Variants in MIA2 observed in about 807,000 individuals in gnomAD.
MIA2 encodes MIA SH3 domain ER export factor 2.
A neutral mutation model predicts 167.8 loss-of-function variants in MIA2; 127 were observed. The ratio of observed to expected loss-of-function variants is 0.76; its 90% CI spans 0.66 to 0.88. MIA2 has a LOEUF of 0.88. Ranked by LOEUF, MIA2 falls within the 40% of genes least tolerant of loss-of-function variation. The pLI is 0.00. For missense variants in MIA2, 1,690 were observed against 1,624.7 expected (o/e 1.04, Z -0.69); for synonymous variants, 552 against 541.9 (o/e 1.02, Z -0.26).
chr14:39,244,854 G>A (rs970263385), intron 3 of MIA2, among the ~76,000 whole-genome samples: 16 of 151,540 alleles, frequency 1.1e-4, no homozygotes, highest in Non-Finnish European at 1.8e-4. Flanking sequence ...TATAGTCCAC[G>A]GGAGCCTCAA....
chr14:39,382,643 C>T (rs936525216), intron 23 of MIA2, among the ~76,000 whole-genome samples: 13 of 152,184 alleles, frequency 8.5e-5, no homozygotes, highest in South Asian at 2.1e-4. Context: ...CTGCGCTGTA[C>T]ACAAGATAAG....
At chr14:39,317,468 T>C (rs1042391775) in intron 21 of MIA2, among the ~76,000 whole-genome samples, 3 of 152,120 alleles carry the variant, frequency 2.0e-5, no homozygotes, top group Admixed American at 2.0e-4. Context: ...CCAGGCTGGC[T>C]GAGTTTAGAG....
chr14:39,300,941 T>TATACGC (rs756774764), intron 14 of MIA2, among the ~76,000 whole-genome samples: 1 of 141,120 alleles, frequency 7.1e-6, no homozygotes, highest in Non-Finnish European at 1.5e-5. Context: ...CACACATATA[T>TATACGC]ACATATATAC....
chr14:39,380,011 A>C (rs1012596477), intron 23 of MIA2, among the ~76,000 whole-genome samples: 1 of 152,226 alleles, frequency 6.6e-6, no homozygotes, highest in Non-Finnish European at 1.5e-5. Flanking sequence ...ACAAGTCAAA[A>C]CTAATGAGAA....
chr14:39,267,549 G>T, intron 6 of MIA2: 2 of 1,611,264 alleles, frequency 1.2e-6, no homozygotes, highest in Admixed American at 1.7e-5. Context: ...TGAGTGTTAC[G>T]TGGCCCAGGG....
At chr14:39,349,443 A>G (rs1306758553) in intron 28 of MIA2, among the ~76,000 whole-genome samples, 2 of 152,106 alleles carry the variant, frequency 1.3e-5, no homozygotes, top group Non-Finnish European at 2.9e-5. Flanking sequence ...GAATTTTTGG[A>G]TTTATTGAAT....
intron 3 of MIA2, among the ~76,000 whole-genome samples, chr14:39,243,253 T>C (rs2054138169): frequency 6.6e-6 from 1 of 152,134 alleles, no homozygotes; most frequent in African/African-American, 2.4e-5. Context: ...AATGGCCCTT[T>C]GGAGTTGTCT....
chr14:39,380,139 C>T (rs1212078453), intron 23 of MIA2, among the ~76,000 whole-genome samples: 3 of 152,104 alleles, frequency 2.0e-5, no homozygotes, highest in Admixed American at 2.0e-4. Context: ...AAAACATTTC[C>T]TTCAGACCTT....
chr14:39,246,247 C>A (rs8023093), intron 3 of MIA2, among the ~76,000 whole-genome samples: 1 of 151,990 alleles, frequency 6.6e-6, no homozygotes, highest in Non-Finnish European at 1.5e-5. Flanking sequence ...CAGGCGCCCA[C>A]CACCATGCCT....
At chr14:39,359,393 C>T (rs117945991) in intron 23 of MIA2, among the ~76,000 whole-genome samples, 8 of 152,268 alleles carry the variant, frequency 5.3e-5, no homozygotes, top group East Asian at 3.9e-4. Context: ...TTGATAAGAC[C>T]GTTGGAAAAA....
At chr14:39,266,872 G>C (rs2055786129) in intron 6 of MIA2, 7 of 756,984 alleles carry the variant, frequency 9.2e-6, no homozygotes, top group African/African-American at 1.9e-5. Flanking sequence ...GACGCCTCTA[G>C]GAGAAGTCTC....
chr14:39,324,144 A>G (rs1411160226), intron 24 of MIA2, among the ~76,000 whole-genome samples: 1 of 152,240 alleles, frequency 6.6e-6, no homozygotes, highest in Non-Finnish European at 1.5e-5. Context: ...TTTAACCATT[A>G]GAACTTTTAG....
chr14:39,379,680 C>A (rs113010656), intron 23 of MIA2, among the ~76,000 whole-genome samples: 12,131 of 152,018 alleles, frequency 0.08, 1,620 homozygotes, highest in African/African-American at 0.27. Context: ...GGCAAAACCC[C>A]ACCCCTACTA....
chr14:39,293,672 TA>T, intron 11 of MIA2, among the ~76,000 whole-genome samples: 1 of 152,194 alleles, frequency 6.6e-6, no homozygotes, highest in Non-Finnish European at 1.5e-5. Flanking sequence ...ACTTAACATG[TA>T]TATTAACATT....
chr14:39,327,392 G>T (rs1030905817), intron 25 of MIA2, among the ~76,000 whole-genome samples: 7 of 151,932 alleles, frequency 4.6e-5, no homozygotes, highest in African/African-American at 1.5e-4. Context: ...AGATTTTTTT[G>T]GGTATACATT....
Position 39,258,317 on chromosome 14 carries a change from G to A in MIA2, c.1887+5146G>A, listed in dbSNP as rs193197943. On this transcript the variant is annotated intron_variant, in intron 6 of 28. Coordinates refer to ENST00000640607, the MANE Select transcript of MIA2 (RefSeq NM_001329214.4). ...CTTTTTTCTCTAATCTTGTCTTCACGCCTTATTTTAGTAAGTTAATCTTCA... is the reference window on the plus strand; with the variant it reads ...CTTTTTTCTCTAATCTTGTCTTCACACCTTATTTTAGTAAGTTAATCTTCA... 3.9e-5 allele frequency among the ~76,000 whole-genome samples: 6 copies of A among 152,036 alleles called. No homozygotes were observed. In the South Asian group the frequency reaches 6.3e-4, roughly 16 times the overall value.
At chr14:39,256,595 T>C (rs756148307) in intron 6 of MIA2, among the ~76,000 whole-genome samples, 5 of 151,678 alleles carry the variant, frequency 3.3e-5, no homozygotes, top group Admixed American at 6.6e-5. Flanking sequence ...TAAAAAAAAA[T>C]AACAAAGAAA....
At chr14:39,307,857 T>A (rs2063612992) in intron 17 of MIA2, among the ~76,000 whole-genome samples, 1 of 152,084 alleles carries the variant, frequency 6.6e-6, no homozygotes, top group South Asian at 2.1e-4. Flanking sequence ...AAATGGCTCA[T>A]GTTCTCACTT....
At chr14:39,345,352 G>A (rs1429083203) in intron 25 of MIA2, among the ~76,000 whole-genome samples, 1 of 152,118 alleles carries the variant, frequency 6.6e-6, no homozygotes, top group African/African-American at 2.4e-5. Flanking sequence ...GGTATTACAG[G>A]TGTGAGCCAC....
Sources: gnomAD v4.1 joint callset for allele counts (sites outside exome capture counted in the v4.1 genomes callset) on GRCh38, gnomAD v4.1.1 for gene constraint, MANE v1.5 for transcripts, NCBI Gene and HGNC (gene_info 2026-07-23, HGNC 2026-07-21) for gene names.